Variants in PCDH7 observed in about 807,000 individuals in gnomAD.
PCDH7 encodes the protein protocadherin-7.
Under a neutral mutation model 58.9 loss-of-function variants are expected in PCDH7, and 17 were observed. The ratio of observed to expected loss-of-function variants is 0.29; its 90% CI spans 0.20 to 0.43. The LOEUF (loss-of-function observed/expected upper bound fraction) is 0.43, where lower values mean the gene tolerates loss of function less well. Ranked by LOEUF, PCDH7 falls within the 20% of genes least tolerant of loss-of-function variation. The probability of loss-of-function intolerance (pLI) is 1.00; values close to 1 mark genes in which losing one functional copy is unlikely to be tolerated. For synonymous variants in PCDH7, 664 were observed against 616.4 expected (o/e 1.08, Z -1.14); for missense variants, 1,274 against 1,441.0 (o/e 0.88, Z 1.88).
chr4:30,823,575 A>G (rs1728635088), intron 1 of PCDH7, among the ~76,000 whole-genome samples: 1 of 152,048 alleles, frequency 6.6e-6, no homozygotes, highest in African/African-American at 2.4e-5. Context: ...TTCAAATATG[A>G]TGCTACCTCG....
chr4:30,979,600 C>G (rs1420448872), intron 3 of PCDH7, among the ~76,000 whole-genome samples: 1 of 151,710 alleles, frequency 6.6e-6, no homozygotes, highest in African/African-American at 2.4e-5. Flanking sequence ...TCAAACATCA[C>G]TCTACTGACA....
intron 1 of PCDH7, among the ~76,000 whole-genome samples, chr4:30,773,530 T>G (rs1310745137): frequency 6.6e-6 from 1 of 152,056 alleles, no homozygotes; most frequent in Non-Finnish European, 1.5e-5. Flanking sequence ...TGCTTAGGAA[T>G]GCACTCAGCT....
chr4:31,089,781 A>G (rs181606260), intron 3 of PCDH7, among the ~76,000 whole-genome samples: 11 of 152,246 alleles, frequency 7.2e-5, no homozygotes, highest in Admixed American at 5.2e-4. Context: ...TGGAGAAGTA[A>G]CATTATATTC....
chr4:31,106,083 A>G (rs1346068317), intron 3 of PCDH7, among the ~76,000 whole-genome samples: 1 of 151,810 alleles, frequency 6.6e-6, no homozygotes, highest in African/African-American at 2.4e-5. Context: ...TAACAGGAGT[A>G]TTGTATTAAC....
chr4:31,035,182 G>A (rs1027346241), intron 3 of PCDH7, among the ~76,000 whole-genome samples: 1 of 151,172 alleles, frequency 6.6e-6, no homozygotes, highest in African/African-American at 2.4e-5. Context: ...CTTGTCCTTA[G>A]CTTATGCGGT....
chr4:30,947,172 T>C lies in PCDH7; in HGVS notation c.288-2948T>C, dbSNP rs531937148. Reference sequence around the variant, plus strand: ...AATATCTGTACTTCTACCATGATCATACATTTTTCCAAGAATGGAAACTAG... The same window carrying C: ...AATATCTGTACTTCTACCATGATCACACATTTTTCCAAGAATGGAAACTAG... On this transcript the variant is annotated intron_variant, in intron 2 of 3. Coordinates refer to the PCDH7 transcript ENST00000509759. Among the ~76,000 whole-genome samples the C allele has an allele frequency of 2.0e-5, 3 of 152,234 alleles. No individual in the cohort carries two copies. In the South Asian group the frequency reaches 6.2e-4, roughly 32 times the overall value.
intron 1 of PCDH7, among the ~76,000 whole-genome samples, chr4:30,918,564 T>C (rs1169667644): frequency 6.6e-6 from 1 of 152,138 alleles, no homozygotes; most frequent in African/African-American, 2.4e-5. Flanking sequence ...TTTAAATCCA[T>C]AACATACATG....
chr4:31,066,399 A>G (rs1386773335), intron 3 of PCDH7, among the ~76,000 whole-genome samples: 1 of 151,936 alleles, frequency 6.6e-6, no homozygotes, highest in Non-Finnish European at 1.5e-5. Flanking sequence ...ACTTAGATCT[A>G]TCTTTTTTCT....
At chr4:30,872,085 T>A (rs185684074) in intron 1 of PCDH7, among the ~76,000 whole-genome samples, 2 of 152,248 alleles carry the variant, frequency 1.3e-5, no homozygotes, top group Admixed American at 1.3e-4. Flanking sequence ...GGTTAAGACT[T>A]CAACATATCT....
At chr4:31,081,242 G>T (rs9991482) in intron 3 of PCDH7, among the ~76,000 whole-genome samples, 1 of 152,054 alleles carries the variant, frequency 6.6e-6, no homozygotes, top group Non-Finnish European at 1.5e-5. Flanking sequence ...AATTTTATTT[G>T]GTTATGTTTT....
chr4:30,767,603 CTGA>C lies in PCDH7; in HGVS notation c.70+43011_70+43013del, dbSNP rs530565017. 1.3e-3 allele frequency among the ~76,000 whole-genome samples: 201 copies of C among 152,294 alleles called. 2 individuals carry two copies. The highest frequency in any genetic ancestry group is 2.2e-3 in the Non-Finnish European group (152 of 68,022). Reference sequence around the variant, plus strand: ...CGGTTTGTTCATAAAAACCTGGACTCTGATGAAAATCTTCCTTTCATTTGGGCT... The same window carrying C: ...CGGTTTGTTCATAAAAACCTGGACTCTGAAAATCTTCCTTTCATTTGGGCT... On this transcript the variant is annotated intron_variant, in intron 1 of 3. Transcript: ENST00000509759.
At chr4:30,845,608 T>C (rs1446629071) in intron 1 of PCDH7, among the ~76,000 whole-genome samples, 1 of 152,132 alleles carries the variant, frequency 6.6e-6, no homozygotes, top group Non-Finnish European at 1.5e-5. Flanking sequence ...TCTCTCTTTG[T>C]CTTTTTGAAG....
chr4:31,073,687 C>A (rs917681044), intron 3 of PCDH7, among the ~76,000 whole-genome samples: 1 of 152,130 alleles, frequency 6.6e-6, no homozygotes, highest in Admixed American at 6.5e-5. Context: ...GAATACTAAT[C>A]AATGATGTAT....
chr4:31,094,145 T>C (rs1713635156), intron 3 of PCDH7, among the ~76,000 whole-genome samples: 1 of 152,150 alleles, frequency 6.6e-6, no homozygotes, highest in African/African-American at 2.4e-5. Flanking sequence ...TGAAAACCAT[T>C]TGTAAATTAC....
intron 3 of PCDH7, among the ~76,000 whole-genome samples, chr4:31,013,945 T>C (rs182488776): frequency 8.1e-4 from 124 of 152,300 alleles, no homozygotes; most frequent in African/African-American, 2.9e-3. Context: ...TAGGCTATGA[T>C]TTGCAACTAA....
chr4:30,982,899 T>C (rs888003206), intron 3 of PCDH7, among the ~76,000 whole-genome samples: 1 of 152,180 alleles, frequency 6.6e-6, no homozygotes, highest in African/African-American at 2.4e-5. Context: ...ACATTGATTT[T>C]AGAGAGAATT....
intron 1 of PCDH7, among the ~76,000 whole-genome samples, chr4:30,909,072 A>T (rs1181484424): frequency 6.6e-6 from 1 of 152,204 alleles, no homozygotes; most frequent in Non-Finnish European, 1.5e-5. Context: ...AGAACCAATG[A>T]CGAAAATGAC....
intron 1 of PCDH7, among the ~76,000 whole-genome samples, chr4:30,744,694 A>G (rs1467293805): frequency 1.3e-5 from 2 of 152,206 alleles, no homozygotes; most frequent in Non-Finnish European, 2.9e-5. Context: ...CTTCTCCTTT[A>G]TCAGTCCTGC....
chr4:30,838,237 T>A (rs1038788075), intron 1 of PCDH7, among the ~76,000 whole-genome samples: 4 of 152,018 alleles, frequency 2.6e-5, no homozygotes, highest in Non-Finnish European at 5.9e-5. Context: ...CAAAATGAAA[T>A]GAAAAATAAA....
Sources: gnomAD v4.1 joint callset for allele counts (sites outside exome capture counted in the v4.1 genomes callset) on GRCh38, gnomAD v4.1.1 for gene constraint, MANE v1.5 for transcripts, NCBI Gene and HGNC (gene_info 2026-07-23, HGNC 2026-07-21) for gene names.